Variants in PDE8B observed in about 807,000 individuals in gnomAD.
The protein encoded by PDE8B is high affinity cAMP-specific and IBMX-insensitive 3',5'-cyclic phosphodiesterase 8B.
A neutral mutation model predicts 101.3 loss-of-function variants in PDE8B; 26 were observed. The observed-to-expected ratio is 0.26, with a 90% CI of 0.19 to 0.36. The LOEUF (loss-of-function observed/expected upper bound fraction) is 0.36, where lower values mean the gene tolerates loss of function less well. Ranked by LOEUF, PDE8B falls within the 10% of genes least tolerant of loss-of-function variation. PDE8B has a pLI of 1.00. For missense variants in PDE8B, 810 were observed against 1,163.1 expected (o/e 0.70, Z 4.42); for synonymous variants, 424 against 429.3 (o/e 0.99, Z 0.15).
intron 1 of PDE8B, among the ~76,000 whole-genome samples, chr5:77,256,193 A>T (rs1302501698): frequency 6.6e-6 from 1 of 152,196 alleles, no homozygotes; most frequent in Non-Finnish European, 1.5e-5. Context: ...CGGGTATACA[A>T]AGAAAAAGTC....
intron 10 of PDE8B, among the ~76,000 whole-genome samples, chr5:77,398,714 T>C (rs1791606959): frequency 6.6e-6 from 1 of 152,212 alleles, no homozygotes; most frequent in African/African-American, 2.4e-5. Context: ...CGGGCCACAG[T>C]GTGATGGTTG....
chr5:77,311,431 A>G (rs924872913), intron 1 of PDE8B, among the ~76,000 whole-genome samples: 1 of 152,214 alleles, frequency 6.6e-6, no homozygotes, highest in African/African-American at 2.4e-5. Context: ...ACTACAACTA[A>G]GATGAATAAT....
chr5:77,385,218 A>T (rs1014098052), intron 10 of PDE8B, among the ~76,000 whole-genome samples: 1 of 152,192 alleles, frequency 6.6e-6, no homozygotes, highest in Admixed American at 6.5e-5. Context: ...GTATGTGTCC[A>T]GGAATTTATC....
At chr5:77,306,066 A>T (rs1771140118) in intron 1 of PDE8B, among the ~76,000 whole-genome samples, 1 of 152,270 alleles carries the variant, frequency 6.6e-6, no homozygotes, top group Non-Finnish European at 1.5e-5. Flanking sequence ...ACACGCATGC[A>T]TACCCTTTTT....
the PDE8B span, among the ~76,000 whole-genome samples, chr5:77,166,302 AG>A: frequency 6.6e-6 from 1 of 152,000 alleles, no homozygotes; most frequent in Non-Finnish European, 1.5e-5. Flanking sequence ...CTTCTAAAAT[AG>A]GTCTCCCAGA....
chr5:77,279,298 A>G (rs1252158197), intron 1 of PDE8B, among the ~76,000 whole-genome samples: 1 of 152,190 alleles, frequency 6.6e-6, no homozygotes, highest in Admixed American at 6.5e-5. Context: ...AAAAGTTGCT[A>G]TTCTTAAGTA....
the PDE8B span, among the ~76,000 whole-genome samples, chr5:77,135,050 G>A: frequency 6.6e-6 from 1 of 152,174 alleles, no homozygotes; most frequent in African/African-American, 2.4e-5. Flanking sequence ...GCTGATCACT[G>A]AATAAGATGA....
At chr5:77,089,733 T>C in the PDE8B span, among the ~76,000 whole-genome samples, 1 of 152,324 alleles carries the variant, frequency 6.6e-6, no homozygotes, top group South Asian at 2.1e-4. Context: ...TGGAAAACAG[T>C]ATGGCGGCTT....
the PDE8B span, chr5:77,114,984 G>A: frequency 2.0e-5 from 3 of 151,984 alleles, no homozygotes; most frequent in East Asian, 5.8e-4. Flanking sequence ...AGAGTCTCTA[G>A]TATATTTAAC....
At chr5:77,417,405 AT>A (rs1795798064) in intron 17 of PDE8B, among the ~76,000 whole-genome samples, 1 of 152,208 alleles carries the variant, frequency 6.6e-6, no homozygotes, top group Non-Finnish European at 1.5e-5. Context: ...TACAAACTCC[AT>A]TGTGCAGACT....
At chr5:77,089,641 G>A in the PDE8B span, among the ~76,000 whole-genome samples, 2 of 152,166 alleles carry the variant, frequency 1.3e-5, no homozygotes, top group Non-Finnish European at 2.9e-5. Context: ...TGGCCCAAAG[G>A]ACACTTACAG....
chr5:77,157,798 C>T, the PDE8B span, among the ~76,000 whole-genome samples: 1 of 152,216 alleles, frequency 6.6e-6, no homozygotes, highest in Non-Finnish European at 1.5e-5. Flanking sequence ...GAGTCTGTTG[C>T]CTAAGGTCAC....
In PDE8B at chr5:77,426,190, C is replaced by T. The variant is rs111671838; in HGVS notation, c.2549-255C>T. The stretch of plus-strand genomic sequence containing the variant: ...GTGTTTTTCTGTCGTTGGAGGAAAA[C>T]TCTAGAAAGAATGCAAAATGTATTT... On this transcript the variant is annotated intron_variant, in intron 21 of 21. Coordinates refer to ENST00000264917, the MANE Select transcript of PDE8B (RefSeq NM_003719.5). 3 of 591,666 alleles carry T rather than the reference C, an allele frequency of 5.1e-6. No homozygotes were observed. The African/African-American group carries it at 5.6e-5, about 11-fold the overall frequency. The allele number at this position is 591,666 out of a possible 1,614,324, so 36.7% of individuals were successfully genotyped here.
At chr5:77,132,151 A>T in the PDE8B span, among the ~76,000 whole-genome samples, 1 of 152,192 alleles carries the variant, frequency 6.6e-6, no homozygotes, top group Non-Finnish European at 1.5e-5. Context: ...GCCTGAAAAA[A>T]TTTATCAGAG....
intron 2 of PDE8B, among the ~76,000 whole-genome samples, chr5:77,318,695 A>AT (rs4025930): frequency 1.3e-4 from 20 of 151,744 alleles, no homozygotes; most frequent in African/African-American, 2.9e-4. Context: ...TTCTCAGACC[A>AT]TTTTTTTTCA....
the PDE8B span, among the ~76,000 whole-genome samples, chr5:77,137,818 A>C: frequency 3.1e-4 from 47 of 152,272 alleles, no homozygotes; most frequent in African/African-American, 1.1e-3. Context: ...ATCATCATTA[A>C]AGCCAAGGAG....
intron 1 of PDE8B, among the ~76,000 whole-genome samples, chr5:77,254,331 A>G (rs1470315234): frequency 6.6e-6 from 1 of 152,222 alleles, no homozygotes; most frequent in African/African-American, 2.4e-5. Flanking sequence ...AAAGTAGACA[A>G]AAATGATCTC....
chr5:77,212,481 A>T (rs1399918071), intron 1 of PDE8B, among the ~76,000 whole-genome samples: 1 of 152,178 alleles, frequency 6.6e-6, no homozygotes, highest in Non-Finnish European at 1.5e-5. Flanking sequence ...ATTGTTTAAC[A>T]TGAAGCTTGA....
intron 5 of PDE8B, among the ~76,000 whole-genome samples, chr5:77,331,958 A>C (rs1777214406): frequency 6.6e-6 from 1 of 152,186 alleles, no homozygotes; most frequent in African/African-American, 2.4e-5. Flanking sequence ...TTTGAGTGAC[A>C]AACTACACAA....
Sources: gnomAD v4.1 joint callset for allele counts (sites outside exome capture counted in the v4.1 genomes callset) on GRCh38, gnomAD v4.1.1 for gene constraint, MANE v1.5 for transcripts, NCBI Gene and HGNC (gene_info 2026-07-23, HGNC 2026-07-21) for gene names.